INPP5F: variants seen among roughly 807,000 people sequenced by gnomAD.
The protein encoded by INPP5F is inositol polyphosphate-5-phosphatase F.
INPP5F carries 97 observed loss-of-function variants against 137.2 expected under a neutral mutation model. That is an observed-to-expected ratio of 0.71 (90% CI 0.60 to 0.84). The LOEUF (loss-of-function observed/expected upper bound fraction) is 0.84, where lower values mean the gene tolerates loss of function less well. INPP5F is among the 40% of genes least tolerant of loss of function. The probability of loss-of-function intolerance (pLI) is 0.00; values close to 1 mark genes in which losing one functional copy is unlikely to be tolerated. For synonymous variants in INPP5F, 504 were observed against 476.9 expected, an observed-to-expected ratio of 1.06 and a Z score of -0.74; for missense variants, 1,271 against 1,371.9, an observed-to-expected ratio of 0.93 and a Z score of 1.16.
chr10:119,733,119 C>A (rs1267514035), intron 1 of INPP5F, among the ~76,000 whole-genome samples: 1 of 152,152 alleles, frequency 6.6e-6, no homozygotes, highest in Non-Finnish European at 1.5e-5. Flanking sequence ...TGAAATGTAT[C>A]TTTAGCTATC....
chr10:119,734,664 T>A (rs2134102868), intron 1 of INPP5F, among the ~76,000 whole-genome samples: 1 of 152,326 alleles, frequency 6.6e-6, no homozygotes, highest in East Asian at 1.9e-4. Context: ...ATTCAATACA[T>A]TCTCAGAATC....
intron 1 of INPP5F, among the ~76,000 whole-genome samples, chr10:119,741,676 A>G (rs1308372805): frequency 6.6e-6 from 1 of 152,128 alleles, no homozygotes; most frequent in Admixed American, 6.6e-5. Flanking sequence ...CTGGGATTAC[A>G]GGTGCTCATC....
At chr10:119,768,738 G>C (rs1437071202) in intron 2 of INPP5F, among the ~76,000 whole-genome samples, 3 of 152,102 alleles carry the variant, frequency 2.0e-5, no homozygotes, top group African/African-American at 7.2e-5. Context: ...CAGTATTAGA[G>C]CATACTAAAG....
intron 2 of INPP5F, among the ~76,000 whole-genome samples, chr10:119,763,007 G>T (rs1169036281): frequency 1.3e-5 from 2 of 152,160 alleles, no homozygotes; most frequent in African/African-American, 2.4e-5. Context: ...TTCATCCTGA[G>T]GCAAATTGCT....
chr10:119,803,979 T>G (rs564483748), intron 9 of INPP5F, among the ~76,000 whole-genome samples, 194 bp from the exon 10 acceptor site: 2 of 152,336 alleles, frequency 1.3e-5, no homozygotes, highest in African/African-American at 4.8e-5. Flanking sequence ...TAAATGTATG[T>G]AACAAATGAA....
At chr10:119,826,051 C>G (rs146979487) in intron 19 of INPP5F, 1 of 398,380 alleles carries the variant, frequency 2.5e-6, no homozygotes, top group Non-Finnish European at 4.4e-6. Flanking sequence ...AAATGGAAGT[C>G]TTACTCCTGT....
At chr10:119,750,910 C>T (rs1848673741) in intron 1 of INPP5F, among the ~76,000 whole-genome samples, 166 bp from the exon 2 acceptor site, 1 of 152,212 alleles carries the variant, frequency 6.6e-6, no homozygotes, top group Non-Finnish European at 1.5e-5. Context: ...ATTCAGGCCT[C>T]ACATTTAATA....
chr10:119,749,460 G>A (rs1001654886), intron 1 of INPP5F, among the ~76,000 whole-genome samples: 2 of 152,218 alleles, frequency 1.3e-5, no homozygotes, highest in African/African-American at 2.4e-5. Flanking sequence ...GTCTCTGGGT[G>A]GTGGGATAGG....
intron 1 of INPP5F, among the ~76,000 whole-genome samples, chr10:119,732,434 C>T (rs1035856912): frequency 1.3e-5 from 2 of 151,406 alleles, no homozygotes; most frequent in African/African-American, 4.9e-5. Flanking sequence ...TACATCATCA[C>T]CTGAGATTAA....
chr10:119,775,112 T>C (rs1284655555), intron 2 of INPP5F, among the ~76,000 whole-genome samples: 4 of 152,146 alleles, frequency 2.6e-5, no homozygotes, highest in East Asian at 1.9e-4. Flanking sequence ...TGATAGGTGG[T>C]TGGAATTTTT....
chr10:119,751,153 T>C lies in INPP5F; in HGVS notation c.175T>C (p.Ser59Pro). Residue 59 changes from serine (S) to proline (P), a missense_variant, in exon 2 of 20, where the codon TCA becomes CCA. Ser to Pro is a moderately conservative substitution (Grantham distance 74, BLOSUM62 -1). Coordinates refer to ENST00000650623, the MANE Select transcript of INPP5F (RefSeq NM_014937.4). ...TGTTATTGGGAAAATTCAACTTCAT[T>C]CAGGTATGTTTCTATAAACTCCTTA... ...EGVIGKIQLH[S>P]DLPWWLILIR... 1 of 1,587,142 alleles carries C rather than the reference T, an allele frequency of 6.3e-7. No homozygotes were observed. The highest frequency in any genetic ancestry group is 8.7e-7 in the Non-Finnish European group (1 of 1,155,374).
rs764102704 is a variant in INPP5F, at chr10:119,791,600, C to A, written c.399C>A (p.Thr133=). The A allele has an allele frequency of 1.0e-5, 16 of 1,605,274 alleles. No homozygotes were observed. The South Asian group carries it at 1.7e-4, about 17-fold the overall frequency. The change falls in exon 4 of 20, where the codon ACC becomes ACA. Residue 133 remains threonine, a synonymous_variant. Transcript: ENST00000650623. ...ATGACTCAAAGTTTCTACTGAAGAC[C>A]TTTACGCATATTAAATCCAATGTGT... ...SPDDSKFLLK[T]FTHIKSNVSA... is the part of the protein sequence containing the mutation.
chr10:119,811,937 T>C lies in INPP5F; in HGVS notation c.1868T>C (p.Leu623Pro). 6.2e-7 allele frequency: 1 copy of C among 1,613,958 alleles called. No individual in the cohort carries two copies. Among genetic ancestry groups the C allele is most frequent in the South Asian group, 1.1e-5 (1 of 91,076 alleles). ...GAGAAGTTCCATGGGGGCTGGGCCC[T>C]CATTGACTGTGACCCTAGGTGAGTT... ...DDEKFHGGWA[L>P]IDCDPSLIDA... The change falls in exon 15 of 20, where the codon CTC becomes CCC. Residue 623 changes from leucine (L) to proline (P), a missense_variant. This residue lies in a region of INPP5F where 593 missense variants were observed against 712.4 expected (regional missense o/e 0.83). Coordinates refer to ENST00000650623, the MANE Select transcript of INPP5F (RefSeq NM_014937.4).
intron 9 of INPP5F, among the ~76,000 whole-genome samples, chr10:119,798,843 C>T (rs1039656345): frequency 7.4e-6 from 1 of 135,692 alleles, no homozygotes; most frequent in Non-Finnish European, 1.5e-5. Flanking sequence ...ATTGCCCAGG[C>T]TGGACTCAAA....
At chr10:119,732,234 G>A (rs551853213) in intron 1 of INPP5F, among the ~76,000 whole-genome samples, 4 of 151,662 alleles carry the variant, frequency 2.6e-5, no homozygotes, top group Non-Finnish European at 4.4e-5. Flanking sequence ...ACAGGGTTTC[G>A]CCACGTTGGC....
intron 2 of INPP5F, 65 bp downstream of exon 2, chr10:119,751,221 T>A: frequency 2.1e-6 from 2 of 974,840 alleles, no homozygotes; most frequent in African/African-American, 1.6e-5. Flanking sequence ...GTTTTCCTCT[T>A]TGAGGATACA....
chr10:119,797,127 A>G (rs965232212), intron 7 of INPP5F, among the ~76,000 whole-genome samples: 1 of 152,164 alleles, frequency 6.6e-6, no homozygotes, highest in Admixed American at 6.5e-5. Flanking sequence ...AAGGAGGTAC[A>G]TATATAGAGA....
At chr10:119,797,712 G>A in intron 8 of INPP5F, 72 bp downstream of exon 8, 1 of 1,212,780 alleles carries the variant, frequency 8.2e-7, no homozygotes. Context: ...TTAGTTACCT[G>A]TTAGGTTTGG....
intron 9 of INPP5F, among the ~76,000 whole-genome samples, chr10:119,800,419 G>T (rs1342776741): frequency 6.6e-6 from 1 of 150,868 alleles, no homozygotes; most frequent in Non-Finnish European, 1.5e-5. Flanking sequence ...AATTAACCAG[G>T]CATGGTGGCT....
Sources: allele counts gnomAD v4.1 joint callset (sites outside exome capture counted in the v4.1 genomes callset), GRCh38; gene constraint gnomAD v4.1.1; regional missense constraint gnomAD v4.1.1; transcripts MANE v1.5; gene names NCBI Gene and HGNC (gene_info 2026-07-23, HGNC 2026-07-21).